Variants in RDH13 observed in about 807,000 individuals in gnomAD.
The protein encoded by RDH13 is retinol dehydrogenase 13, also known as retinol dehydrogenase 13 (all-trans and 9-cis).
Under a neutral mutation model 28.3 loss-of-function variants are expected in RDH13, and 35 were observed. The ratio of observed to expected loss-of-function variants is 1.24; its 90% CI spans 0.95 to 1.64. RDH13 has a LOEUF of 1.64. Among genes scored for constraint, RDH13 ranks in the 40% most tolerant of loss-of-function variants. The pLI is 0.00. For missense variants in RDH13, 514 were observed against 446.3 expected (o/e 1.15, Z -1.37); for synonymous variants, 229 against 198.5 (o/e 1.15, Z -1.29).
upstream of RDH13, chr19:55,064,020 A>G (rs2075892764): frequency 6.6e-6 from 1 of 152,236 alleles, no homozygotes; most frequent in Non-Finnish European, 1.5e-5. Flanking sequence ...GGAAGAATTC[A>G]ACCCAATCTA....
intron 2 of RDH13, among the ~76,000 whole-genome samples, chr19:55,058,402 CAAT>C (rs954663069): frequency 5.3e-5 from 8 of 150,430 alleles, no homozygotes; most frequent in East Asian, 2.0e-4. Context: ...AAAAAAAAAA[CAAT>C]AATAATAATT....
chr19:55,048,646 G>T lies in RDH13; in HGVS notation c.445+13C>A. 1 of 1,613,040 alleles carries T rather than the reference G, an allele frequency of 6.2e-7. No homozygotes were observed. The highest frequency in any genetic ancestry group is 1.1e-5 in the South Asian group (1 of 91,046). The stretch of plus-strand genomic sequence containing the variant: ...CGCTTGAACCCATGGTGCAGCCCCT[G>T]CCCAGGCCTCACCCAGGTGGTTAAC... On this transcript the variant is annotated intron_variant, in intron 4 of 6. Transcript: ENST00000415061.
chr19:55,066,744 C>T (rs2075970971), upstream of RDH13, among the ~76,000 whole-genome samples: 1 of 151,048 alleles, frequency 6.6e-6, no homozygotes, highest in Non-Finnish European at 1.5e-5. Flanking sequence ...TCTCTGTTCT[C>T]TCTCTCCCTC....
intron 1 of RDH13, 21 bp downstream of exon 1, chr19:55,062,947 G>A: frequency 1.4e-6 from 2 of 1,447,030 alleles, no homozygotes; most frequent in Non-Finnish European, 1.8e-6. Context: ...GACCGCGCAC[G>A]CGGGGCTAGA....
At chr19:55,041,613 G>T (rs1432067148), downstream of RDH13, 1 of 152,260 alleles carries the variant, frequency 6.6e-6, no homozygotes, top group Non-Finnish European at 1.5e-5. Context: ...TGCTGGGCTT[G>T]CTTTTTCCTT....
chr19:55,069,124 TC>T (rs1384577969), intron 1 of RDH13, among the ~76,000 whole-genome samples: 2 of 96,390 alleles, frequency 2.1e-5, no homozygotes, highest in Non-Finnish European at 3.9e-5. Flanking sequence ...GCCAGGCTCC[TC>T]CGGTTTCAGG....
chr19:55,068,533 G>A (rs527956326), intron 1 of RDH13: 26 of 150,224 alleles, frequency 1.7e-4, no homozygotes, highest in Admixed American at 1.7e-3. Context: ...GTGAGATTCT[G>A]TCTCAAAAAA....
At chr19:55,051,886 C>T (rs909244634) in intron 3 of RDH13, among the ~76,000 whole-genome samples, 1 of 151,944 alleles carries the variant, frequency 6.6e-6, no homozygotes, top group Non-Finnish European at 1.5e-5. Context: ...CGCCCGACAC[C>T]ACAAGCAGCT....
chr19:55,053,845 C>A (rs568805072), intron 3 of RDH13: 1 of 152,194 alleles, frequency 6.6e-6, no homozygotes, highest in South Asian at 2.1e-4. Context: ...GGATCAGAGG[C>A]GCCCTGGGTG....
chr19:55,045,906 A>AT (rs1263043318), intron 6 of RDH13, among the ~76,000 whole-genome samples: 3 of 142,786 alleles, frequency 2.1e-5, no homozygotes, highest in East Asian at 4.3e-4. Flanking sequence ...AGATCACACC[A>AT]TTGCACTCCA....
rs1479512496 is a variant in RDH13, at chr19:55,045,251, G to A, written c.819C>T (p.Tyr273=). The change falls in exon 7 of 7, where the codon TAC becomes TAT. Residue 273 remains tyrosine, a synonymous_variant. Transcript: ENST00000415061. ...SPELAAQPST[Y]LAVAEELADV... ...CCGCCAGTTCCTCCGCCACGGCCAGGTATGTGCTGGGCTGGGCGGCCAGCT... is the reference window on the plus strand; with the variant it reads ...CCGCCAGTTCCTCCGCCACGGCCAGATATGTGCTGGGCTGGGCGGCCAGCT... 6.2e-6 allele frequency: 10 copies of A among 1,613,342 alleles called. No homozygotes were observed. In the South Asian group the frequency reaches 8.8e-5, roughly 14 times the overall value.
intron 3 of RDH13, among the ~76,000 whole-genome samples, chr19:55,052,669 AT>A (rs1002303395): frequency 8.6e-5 from 11 of 127,294 alleles, no homozygotes; most frequent in African/African-American, 2.1e-4. Flanking sequence ...ATTGTTTTTT[AT>A]TTTTTTTTTG....
At chr19:55,055,857 AAACT>A (rs1481065767) in intron 3 of RDH13, among the ~76,000 whole-genome samples, 2 of 150,468 alleles carry the variant, frequency 1.3e-5, no homozygotes, top group African/African-American at 2.5e-5. Context: ...TGTCTCAAAC[AAACT>A]AATTATTCAG....
At position 55,055,919 on chromosome 19, in the gene RDH13, AAG is replaced by A. The variant is rs368502206; in HGVS notation, c.340+732_340+733del. 3.3e-3 allele frequency among the ~76,000 whole-genome samples: 489 copies of A among 150,422 alleles called. 1 individual carries two copies. Among genetic ancestry groups the A allele is most frequent in the African/African-American group, 0.011 (462 of 40,886 alleles). On this transcript the variant is annotated intron_variant, in intron 3 of 6. Coordinates refer to ENST00000415061, the MANE Select transcript of RDH13 (RefSeq NM_001145971.2). ...TGTAATCCCAGCACTTTGGGAGGCC[AAG>A]GGAAGCAGATCACCTGAGGTCAGGA... is the stretch of plus-strand genomic sequence containing the variant.
chr19:55,067,991 A>C (rs1014797217), upstream of RDH13, among the ~76,000 whole-genome samples: 2 of 126,394 alleles, frequency 1.6e-5, no homozygotes, highest in Non-Finnish European at 3.2e-5. Context: ...TCTCTGTCTC[A>C]TATCTCTCTC....
chr19:55,062,105 G>A (rs2075825322), intron 1 of RDH13, among the ~76,000 whole-genome samples: 1 of 137,996 alleles, frequency 7.2e-6, no homozygotes, highest in African/African-American at 2.7e-5. Flanking sequence ...CAACAACAGC[G>A]AAACTCTGTC....
chr19:55,059,414 A>T (rs1671176), intron 1 of RDH13, 139 bp from the exon 2 acceptor site: 3 of 619,696 alleles, frequency 4.8e-6, no homozygotes, highest in Non-Finnish European at 8.6e-6. Flanking sequence ...CATCACACCA[A>T]GGGACCTCTG....
At chr19:55,047,992 G>A (rs1602713470) in intron 5 of RDH13, 1 of 1,272,820 alleles carries the variant, frequency 7.9e-7, no homozygotes, top group South Asian at 1.5e-5. Flanking sequence ...TGTGATCACT[G>A]TGTTTCCAGG....
rs1365064675 is a variant in RDH13 at position 55,044,615 on chromosome 19, A to G, written c.*459T>C. ...ATGGGAGACAGCAGTTATTCTGAGC[A>G]TCTCACTGCTGAAGAAACCAAGGCT... On this transcript the variant is annotated 3_prime_UTR_variant, in exon 7 of 7. Transcript: ENST00000415061. The G allele has an allele frequency of 6.1e-6, 1 of 162,702 alleles. No individual in the cohort carries two copies. Among genetic ancestry groups the G allele is most frequent in the Admixed American group, 6.4e-5 (1 of 15,566 alleles). The allele number at this position is 162,702 out of a possible 1,614,324, so 10.1% of individuals were successfully genotyped here. A position where few individuals can be genotyped will look rare whatever the true frequency, so the allele number is the denominator to read the frequency against.
Sources: gnomAD v4.1 joint callset for allele counts (sites outside exome capture counted in the v4.1 genomes callset) on GRCh38, gnomAD v4.1.1 for gene constraint, MANE v1.5 for transcripts, NCBI Gene and HGNC (gene_info 2026-07-23, HGNC 2026-07-21) for gene names.